CNKSR2: variants seen among roughly 807,000 people sequenced by gnomAD.
CNKSR2 encodes the protein connector enhancer of kinase suppressor of Ras 2, also known as CNK homolog protein 2.
In CNKSR2, 14 loss-of-function variants were observed where a neutral mutation model predicts 84.4. The observed-to-expected ratio is 0.17, with a 90% CI of 0.11 to 0.26. CNKSR2 has a LOEUF of 0.26. Among genes scored for constraint, CNKSR2 ranks in the 10% least tolerant of loss-of-function variants. The pLI is 1.00. For synonymous variants in CNKSR2, 275 were observed against 277.9 expected, an observed-to-expected ratio of 0.99 and a Z score of 0.10; for missense variants, 485 against 771.2, an observed-to-expected ratio of 0.63 and a Z score of 4.40.
chrX:21,569,831 T>C (rs1010882940), intron 13 of CNKSR2, among the ~76,000 whole-genome samples: 1 of 112,337 alleles, frequency 8.9e-6, no homozygotes, highest in African/African-American at 3.2e-5. Context: ...CTTGTACATC[T>C]CCAACAGAGC....
intron 6 of CNKSR2, 39 bp from the exon 7 acceptor site, chrX:21,497,748 A>C (rs771593465): frequency 1.5e-6 from 1 of 657,124 alleles, no homozygotes; most frequent in Admixed American, 2.4e-5. Flanking sequence ...AAATTCACCA[A>C]TTGCTTCACT....
At chrX:21,425,347 G>C (rs1052714031) in intron 1 of CNKSR2, 10 of 111,455 alleles carry the variant, frequency 9.0e-5, no homozygotes, top group African/African-American at 3.3e-4. Flanking sequence ...TGTATAGGGA[G>C]GCTACAAAGT....
intron 9 of CNKSR2, among the ~76,000 whole-genome samples, chrX:21,519,960 CAA>C (rs1480842794): frequency 9.0e-6 from 1 of 110,976 alleles, no homozygotes; most frequent in East Asian, 2.8e-4. Flanking sequence ...AGAAGATTGT[CAA>C]AGAATACCAC....
chrX:21,599,339 G>GGTGTGTGTGTGTGT (rs34829122), intron 17 of CNKSR2, among the ~76,000 whole-genome samples: 1 of 82,708 alleles, frequency 1.2e-5, no homozygotes, highest in African/African-American at 4.7e-5. Context: ...TTTTTGTTTT[G>GGTGTGTGTGTGTGT]GTGTGTGTGT....
At chrX:21,639,569 A>G (rs1168359720) in intron 20 of CNKSR2, among the ~76,000 whole-genome samples, 1 of 112,037 alleles carries the variant, frequency 8.9e-6, no homozygotes, top group Non-Finnish European at 1.9e-5. Flanking sequence ...AGACCAAGAT[A>G]TTTCCATCAG....
At chrX:21,549,714 G>A (rs1365511579) in intron 11 of CNKSR2, among the ~76,000 whole-genome samples, 1 of 111,745 alleles carries the variant, frequency 8.9e-6, no homozygotes, top group African/African-American at 3.3e-5. Flanking sequence ...TATCAAAACA[G>A]ATATATAGAC....
chrX:21,471,512 T>G (rs193213926), intron 5 of CNKSR2, among the ~76,000 whole-genome samples: 1 of 112,488 alleles, frequency 8.9e-6, no homozygotes, highest in Non-Finnish European at 1.9e-5. Flanking sequence ...TAAAAGGACA[T>G]TTGCCTCATT....
chrX:21,563,166 A>G lies in CNKSR2; in HGVS notation c.1394-72A>G, dbSNP rs141715287. 4,266 of 856,008 alleles carry G rather than the reference A, an allele frequency of 5.0e-3. 16 individuals are homozygous for G. Among genetic ancestry groups the G allele is most frequent in the Non-Finnish European group, 5.4e-3 (3,339 of 622,184 alleles). The allele number at this position is 856,008 out of a possible 1,213,427, so 70.5% of individuals were successfully genotyped here. On this transcript the variant is annotated intron_variant, in intron 12 of 21. Coordinates refer to ENST00000379510, the MANE Select transcript of CNKSR2 (RefSeq NM_014927.5). ...ATTACTTTTGCGCCAACCTAATAGC[A>G]CAATTGAGAAAGAATGGTAAATTTG...
Position 21,432,824 on chromosome X carries a change from T to C in CNKSR2, c.431+10T>C. 1 of 1,202,954 alleles carries C rather than the reference T, an allele frequency of 8.3e-7. No homozygotes were observed. Among genetic ancestry groups the C allele is most frequent in the South Asian group, 1.8e-5 (1 of 55,826 alleles). ...TTGCCTGGTTGGACAGGTAAAGTCT[T>C]CCGCATGTTTCATAAGTATCCTCTC... On this transcript the variant is annotated intron_variant, in intron 3 of 21. Coordinates refer to ENST00000379510, the MANE Select transcript of CNKSR2 (RefSeq NM_014927.5).
chrX:21,502,947 G>A (rs2091574371), intron 8 of CNKSR2, among the ~76,000 whole-genome samples: 1 of 111,256 alleles, frequency 9.0e-6, no homozygotes, highest in Non-Finnish European at 1.9e-5. Context: ...CAGTAGACGA[G>A]TAGCTTTTCC....
chrX:21,426,818 T>C (rs1312740654), intron 2 of CNKSR2, 158 bp downstream of exon 2: 1 of 537,646 alleles, frequency 1.9e-6, no homozygotes, highest in African/African-American at 2.4e-5. Flanking sequence ...CTTCCTTAAA[T>C]TTATTATATT....
At chrX:21,433,348 T>C (rs1201008299) in intron 3 of CNKSR2, among the ~76,000 whole-genome samples, 1 of 111,591 alleles carries the variant, frequency 9.0e-6, no homozygotes, top group Non-Finnish European at 1.9e-5. Flanking sequence ...TTGACTTTCA[T>C]TTGTTTTGGA....
At position 21,627,868 on chromosome X, in the gene CNKSR2, A is replaced by G. The variant is rs749903177; in HGVS notation, c.2692+18251A>G. ...CCCCTCCCAAATCCCATGTCCTCAC[A>G]TTTCAAAACCAATCCTGCCTTCCCA... On this transcript the variant is annotated intron_variant, in intron 20 of 21. Coordinates refer to ENST00000379510, the MANE Select transcript of CNKSR2 (RefSeq NM_014927.5). 9.0e-5 allele frequency among the ~76,000 whole-genome samples: 10 copies of G among 111,152 alleles called. No individual in the cohort carries two copies. In the South Asian group the frequency reaches 1.5e-3, roughly 17 times the overall value.
intron 3 of CNKSR2, among the ~76,000 whole-genome samples, chrX:21,433,600 A>G (rs181033502): frequency 6.5e-4 from 70 of 108,459 alleles, no homozygotes; most frequent in Admixed American, 6.2e-3. Flanking sequence ...GATAATATAC[A>G]TTACCAGAAT....
intron 8 of CNKSR2, among the ~76,000 whole-genome samples, chrX:21,507,470 G>A (rs1462065004): frequency 9.0e-6 from 1 of 111,025 alleles, no homozygotes; most frequent in Non-Finnish European, 1.9e-5. Flanking sequence ...ATTTCTAAAG[G>A]TAACTTCCAC....
chrX:21,585,454 A>T (rs191503559), intron 13 of CNKSR2, among the ~76,000 whole-genome samples: 2 of 108,870 alleles, frequency 1.8e-5, no homozygotes, highest in Non-Finnish European at 3.8e-5. Context: ...AAATACATTC[A>T]TTGTGAAAAC....
Position 21,595,019 on chromosome X carries a change from G to A in CNKSR2, c.1876G>A (p.Asp626Asn). 8.3e-7 allele frequency: 1 copy of A among 1,204,308 alleles called. No individual in the cohort carries two copies. The highest frequency in any genetic ancestry group is 1.1e-6 in the Non-Finnish European group (1 of 889,777). ...GFISLPEFKI[D>N]RASECRKKYA... ...CATTAGCCTGCCTGAATTTAAAATT[G>A]ATAGAGCCAGTGAATGCCGCAAAAA... Residue 626 changes from aspartate (D) to asparagine (N), a missense_variant, in exon 16 of 22, where the codon GAT becomes AAT. Transcript: ENST00000379510.
intron 4 of CNKSR2, among the ~76,000 whole-genome samples, chrX:21,459,081 G>A (rs891857627): frequency 1.1e-5 from 1 of 94,626 alleles, no homozygotes; most frequent in Non-Finnish European, 2.0e-5. Flanking sequence ...GGAGTGCAGT[G>A]TCACAATCTC....
At chrX:21,455,266 A>G (rs1402882280) in intron 4 of CNKSR2, among the ~76,000 whole-genome samples, 2 of 111,765 alleles carry the variant, frequency 1.8e-5, no homozygotes, top group African/African-American at 3.2e-5. Context: ...ATAATGTTCT[A>G]GGTTTTTATA....
Sources: gnomAD v4.1 joint callset for allele counts (sites outside exome capture counted in the v4.1 genomes callset) on GRCh38, gnomAD v4.1.1 for gene constraint, MANE v1.5 for transcripts, NCBI Gene and HGNC (gene_info 2026-07-23, HGNC 2026-07-21) for gene names.